Variants in DTWD2 observed in about 807,000 individuals in gnomAD.
The protein encoded by DTWD2 is DTW motif tRNA-uridine aminocarboxypropyltransferase 2.
A neutral mutation model predicts 31.8 loss-of-function variants in DTWD2; 39 were observed. The ratio of observed to expected loss-of-function variants is 1.22; its 90% CI spans 0.95 to 1.60. The LOEUF is 1.60. Among genes scored for constraint, DTWD2 ranks in the 40% most tolerant of loss-of-function variants. DTWD2 has a pLI of 0.00. For synonymous variants in DTWD2, 180 were observed against 142.8 expected (o/e 1.26, Z -1.86); for missense variants, 515 against 381.5 (o/e 1.35, Z -2.92).
At chr5:118,986,305 A>G (rs1755425892) in intron 1 of DTWD2, among the ~76,000 whole-genome samples, 1 of 152,224 alleles carries the variant, frequency 6.6e-6, no homozygotes, top group South Asian at 2.1e-4. Flanking sequence ...GACAGAATAC[A>G]TTTATAGAAT....
Position 118,841,041 on chromosome 5 carries a change from T to C in DTWD2, c.773A>G (p.His258Arg), listed in dbSNP as rs748565203. The C allele has an allele frequency of 1.2e-6, 2 of 1,613,538 alleles. No individual in the cohort carries two copies. The highest frequency in any genetic ancestry group is 1.1e-5 in the South Asian group (1 of 91,022). Residue 258 changes from histidine to arginine, a missense_variant, in exon 6 of 6, where the codon CAT becomes CGT. His to Arg is a conservative substitution (Grantham distance 29). Coordinates refer to ENST00000510708, the MANE Select transcript of DTWD2 (RefSeq NM_173666.4). ...LQALCSFQLQ[H>R]GAQIRLSKEH... The stretch of plus-strand genomic sequence containing the variant: ...CTTGCTGAGGCGAATTTGGGCACCA[T>C]GCTGAAGTTGAAAGGAGCATAAAGC...
chr5:118,987,160 T>C (rs1755446553), intron 1 of DTWD2, among the ~76,000 whole-genome samples: 1 of 152,190 alleles, frequency 6.6e-6, no homozygotes, highest in African/African-American at 2.4e-5. Context: ...CCTCCAAACA[T>C]TTTTAAATGC....
At chr5:118,934,924 C>T (rs571608858) in intron 3 of DTWD2, among the ~76,000 whole-genome samples, 2 of 152,220 alleles carry the variant, frequency 1.3e-5, no homozygotes, top group South Asian at 4.1e-4. Context: ...GTCTTCTTTC[C>T]GTTTCCTGGA....
intron 4 of DTWD2, among the ~76,000 whole-genome samples, chr5:118,923,471 C>A (rs975849828): frequency 6.6e-6 from 1 of 152,274 alleles, no homozygotes; most frequent in Middle Eastern, 3.4e-3. Context: ...CTCAGACAGG[C>A]ATGTATGCAA....
At position 118,940,164 on chromosome 5, in the gene DTWD2, C is replaced by T. The variant is rs755043133; in HGVS notation, c.310-874G>A. Among the ~76,000 whole-genome samples the T allele has an allele frequency of 2.5e-4, 38 of 152,324 alleles. No individual in the cohort carries two copies. The Middle Eastern group carries it at 0.01, about 41-fold the overall frequency. On this transcript the variant is annotated intron_variant, in intron 2 of 5. Transcript: ENST00000510708. ...AAAAAGCCATTAAGTTGACTGTCGT[C>T]AGTGGTTTCTTCAATGTCCTAGCTT...
At chr5:118,882,639 C>G (rs1327558759) in intron 4 of DTWD2, among the ~76,000 whole-genome samples, 2 of 152,270 alleles carry the variant, frequency 1.3e-5, no homozygotes, top group Non-Finnish European at 2.9e-5. Flanking sequence ...GACTTCTGCA[C>G]ACCTGCAGGC....
At position 118,874,650 on chromosome 5, in the gene DTWD2, C is replaced by T. The variant is rs1359977119; in HGVS notation, c.598-26432G>A. Among the ~76,000 whole-genome samples, 3 of 150,858 alleles carry T rather than the reference C, an allele frequency of 2.0e-5. No homozygotes were observed. In the East Asian group the frequency reaches 5.8e-4, roughly 29 times the overall value. On this transcript the variant is annotated intron_variant, in intron 4 of 5. Coordinates refer to ENST00000510708, the MANE Select transcript of DTWD2 (RefSeq NM_173666.4). The stretch of plus-strand genomic sequence containing the variant: ...GGCTTTCTAAAATAAAACAGGCCGA[C>T]AAGAATAGAGAAAAAAGAAAAGAAA...
chr5:118,869,096 A>G (rs1039488705), intron 4 of DTWD2, among the ~76,000 whole-genome samples: 2 of 152,162 alleles, frequency 1.3e-5, no homozygotes, highest in East Asian at 3.8e-4. Context: ...GTTTTGCAAG[A>G]GAAAAAGAGT....
chr5:118,885,436 G>A (rs1314355927), intron 4 of DTWD2, among the ~76,000 whole-genome samples: 40 of 112,122 alleles, frequency 3.6e-4, no homozygotes, highest in African/African-American at 1.3e-3. Context: ...CAGCCTGGGC[G>A]ACAGAGCAAG....
chr5:118,925,377 G>A (rs924340967), intron 4 of DTWD2, among the ~76,000 whole-genome samples: 1 of 152,002 alleles, frequency 6.6e-6, no homozygotes, highest in Non-Finnish European at 1.5e-5. Context: ...AATAGAACAT[G>A]AACAAAAATC....
At chr5:118,955,993 G>T (rs1162046790) in intron 1 of DTWD2, among the ~76,000 whole-genome samples, 2 of 151,958 alleles carry the variant, frequency 1.3e-5, no homozygotes, top group African/African-American at 4.8e-5. Context: ...TGGTCAACTG[G>T]GTATAGGTTT....
chr5:118,984,637 G>T (rs1305718672), intron 1 of DTWD2, among the ~76,000 whole-genome samples: 2 of 152,120 alleles, frequency 1.3e-5, no homozygotes, highest in African/African-American at 2.4e-5. Flanking sequence ...CTTTTGAAAA[G>T]AAAACACTGG....
intron 4 of DTWD2, among the ~76,000 whole-genome samples, chr5:118,923,497 G>C (rs1753747656): frequency 6.6e-6 from 1 of 152,144 alleles, no homozygotes; most frequent in South Asian, 2.1e-4. Context: ...TAAACACACT[G>C]CATGAGCTCC....
At chr5:118,918,052 G>A (rs943212116) in intron 4 of DTWD2, among the ~76,000 whole-genome samples, 13 of 151,988 alleles carry the variant, frequency 8.6e-5, no homozygotes, top group Non-Finnish European at 1.6e-4. Flanking sequence ...CACCTCCAAT[G>A]AGGTCCCACC....
intron 4 of DTWD2, among the ~76,000 whole-genome samples, chr5:118,848,759 C>A (rs181812134): frequency 2.7e-4 from 41 of 152,100 alleles, no homozygotes; most frequent in African/African-American, 8.7e-4. Flanking sequence ...AAACCTGACA[C>A]AAACAAGCAA....
chr5:118,848,172 T>A lies in DTWD2; in HGVS notation c.644A>T (p.Gln215Leu), dbSNP rs372519882. Residue 215 changes from glutamine (Q) to leucine (L), a missense_variant, in exon 5 of 6, where the codon CAG becomes CTG. Transcript: ENST00000510708. Reference sequence around the variant, plus strand: ...TGTAGAAAGGCATCTATTAGTCGGCTGCATCCGAATTACATACTGACTAGA... The same window carrying A: ...TGTAGAAAGGCATCTATTAGTCGGCAGCATCCGAATTACATACTGACTAGA... ...SISSQYVIRM[Q>L]PTNRCLSTLE... The A allele has an allele frequency of 1.9e-6, 3 of 1,607,020 alleles. No homozygotes were observed. Among genetic ancestry groups the A allele is most frequent in the Non-Finnish European group, 2.5e-6 (3 of 1,176,922 alleles).
intron 1 of DTWD2, chr5:118,973,706 C>T (rs1454659888): frequency 3.9e-5 from 58 of 1,495,366 alleles, no homozygotes; most frequent in East Asian, 2.5e-4. Flanking sequence ...CCTCCTCCGC[C>T]GCCGCGGACT....
intron 4 of DTWD2, among the ~76,000 whole-genome samples, chr5:118,877,777 G>A (rs1251938064): frequency 6.6e-6 from 1 of 152,142 alleles, no homozygotes; most frequent in Non-Finnish European, 1.5e-5. Flanking sequence ...ATGATAACAT[G>A]ATCCTATAGC....
intron 1 of DTWD2, among the ~76,000 whole-genome samples, chr5:118,980,087 T>A (rs1039377887): frequency 1.3e-5 from 2 of 152,228 alleles, no homozygotes; most frequent in Non-Finnish European, 2.9e-5. Context: ...ATGGGTCTCT[T>A]ACATTTCTGT....
Sources: allele counts gnomAD v4.1 joint callset (sites outside exome capture counted in the v4.1 genomes callset), GRCh38; gene constraint gnomAD v4.1.1; transcripts MANE v1.5; gene names NCBI Gene and HGNC (gene_info 2026-07-23, HGNC 2026-07-21).